Variants in CORO2B observed in about 807,000 individuals in gnomAD.
The protein encoded by CORO2B is coronin 2B.
A neutral mutation model predicts 58.8 loss-of-function variants in CORO2B; 26 were observed. That is an observed-to-expected ratio of 0.44 (90% CI 0.32 to 0.61). CORO2B has a LOEUF of 0.61. CORO2B is among the 20% of genes least tolerant of loss of function. The probability of loss-of-function intolerance (pLI) is 0.04; values close to 1 mark genes in which losing one functional copy is unlikely to be tolerated. For missense variants in CORO2B, 460 were observed against 645.1 expected, an observed-to-expected ratio of 0.71 and a Z score of 3.11; for synonymous variants, 242 against 253.8, an observed-to-expected ratio of 0.95 and a Z score of 0.44.
chr15:68,699,351 C>A (rs911075666), intron 3 of CORO2B, among the ~76,000 whole-genome samples: 1 of 152,106 alleles, frequency 6.6e-6, no homozygotes, highest in Non-Finnish European at 1.5e-5. Flanking sequence ...TCCAGGGAAC[C>A]AAGGGGACCT....
chr15:68,631,086 A>G (rs1170355348), intron 1 of CORO2B, among the ~76,000 whole-genome samples: 1 of 152,046 alleles, frequency 6.6e-6, no homozygotes, highest in Non-Finnish European at 1.5e-5. Context: ...GGTGCTGGGA[A>G]TGGCAGGTAC....
chr15:68,679,923 T>C lies in CORO2B; in HGVS notation c.217-15217T>C, dbSNP rs74020274. ...TCTCTGGCCCCTTACATATCCCTGA[T>C]GGAGCAAGGCTGAAGTTCTGAGCCA... On this transcript the variant is annotated intron_variant, in intron 2 of 11. Transcript: ENST00000261861. 4.3e-3 allele frequency among the ~76,000 whole-genome samples: 662 copies of C among 152,324 alleles called. 1 individual carries two copies. Among genetic ancestry groups the C allele is most frequent in the African/African-American group, 0.015 (623 of 41,572 alleles).
intron 2 of CORO2B, among the ~76,000 whole-genome samples, chr15:68,657,779 G>A (rs919613488): frequency 6.6e-6 from 1 of 152,136 alleles, no homozygotes; most frequent in African/African-American, 2.4e-5. Flanking sequence ...ATTTATACAC[G>A]AAAGAAATGT....
chr15:68,696,195 A>G (rs1892505593), intron 3 of CORO2B, among the ~76,000 whole-genome samples: 3 of 150,422 alleles, frequency 2.0e-5, no homozygotes, highest in Admixed American at 2.0e-4. Context: ...GGCTGCAGTG[A>G]GCTGTGATTG....
At chr15:68,632,755 T>TA (rs1900882678) in intron 1 of CORO2B, among the ~76,000 whole-genome samples, 1 of 152,156 alleles carries the variant, frequency 6.6e-6, no homozygotes, top group African/African-American at 2.4e-5. Context: ...CACGCTTGGC[T>TA]AATTTTTTGT....
the CORO2B span, among the ~76,000 whole-genome samples, chr15:68,563,527 GAGAAAAGAAA>G: frequency 1.3e-5 from 2 of 150,230 alleles, no homozygotes; most frequent in Non-Finnish European, 3.0e-5. Context: ...AAAAAAAGAA[GAGAAAAGAAA>G]AAAATTAAGT....
the CORO2B span, among the ~76,000 whole-genome samples, chr15:68,543,444 T>G: frequency 6.6e-6 from 1 of 152,194 alleles, no homozygotes; most frequent in Non-Finnish European, 1.5e-5. Context: ...TCTTGGTGTC[T>G]GAGCCCATTC....
At chr15:68,698,555 G>C (rs915621354) in intron 3 of CORO2B, among the ~76,000 whole-genome samples, 2 of 152,218 alleles carry the variant, frequency 1.3e-5, no homozygotes, top group African/African-American at 4.8e-5. Flanking sequence ...ACTCTGTTCA[G>C]TTTTGCACAC....
chr15:68,709,941 T>C lies in CORO2B; in HGVS notation c.334-791T>C, dbSNP rs1358524669. Among the ~76,000 whole-genome samples the C allele has an allele frequency of 4.6e-5, 7 of 152,252 alleles. No individual in the cohort carries two copies. In the East Asian group the frequency reaches 1.4e-3, roughly 29 times the overall value. On this transcript the variant is annotated intron_variant, in intron 3 of 11. Coordinates refer to ENST00000261861, the MANE Select transcript of CORO2B (RefSeq NM_006091.5). ...TTGAAGCTATGCAGAGGAGGTTTGC[T>C]TTGAGTGACAGAAGCCCACCAGGGC... is the stretch of plus-strand genomic sequence containing the variant.
chr15:68,692,806 G>A (rs1408947004), intron 2 of CORO2B, among the ~76,000 whole-genome samples: 3 of 150,908 alleles, frequency 2.0e-5, no homozygotes, highest in Admixed American at 6.6e-5. Context: ...GCTAATTTTT[G>A]TATTTTTAGT....
chr15:68,575,675 T>C (rs1899270976), upstream of CORO2B, among the ~76,000 whole-genome samples: 3 of 150,250 alleles, frequency 2.0e-5, no homozygotes, highest in South Asian at 6.3e-4. Flanking sequence ...CTTTGCTCCT[T>C]CTCAACCGCA....
chr15:68,547,533 G>A, the CORO2B span, among the ~76,000 whole-genome samples: 40 of 152,116 alleles, frequency 2.6e-4, no homozygotes, highest in East Asian at 9.7e-4. Context: ...TAGTAGAGAC[G>A]GGGTTTTACC....
In CORO2B at chr15:68,579,166, C is replaced by T; in HGVS notation, c.-97C>T. ...CCGCCGGCGGGGCGCGGGGAGCGAG[C>T]CGGGAGCTGCCGGACCCCCTTCCGC... On this transcript the variant is annotated 5_prime_UTR_variant, in exon 1 of 12. Coordinates refer to ENST00000261861, the MANE Select transcript of CORO2B (RefSeq NM_006091.5). 2.0e-6 allele frequency: 2 copies of T among 981,090 alleles called. No individual in the cohort carries two copies. The highest frequency in any genetic ancestry group is 2.4e-6 in the Non-Finnish European group (2 of 828,270). 60.8% of individuals were successfully genotyped at this position (981,090 alleles called of 1,614,324 possible).
intron 3 of CORO2B, among the ~76,000 whole-genome samples, chr15:68,705,762 C>T (rs1024956874): frequency 1.3e-5 from 2 of 152,170 alleles, no homozygotes; most frequent in Non-Finnish European, 2.9e-5. Context: ...GCTGTCACCT[C>T]AGCATGTCAG....
chr15:68,549,735 T>C, the CORO2B span, among the ~76,000 whole-genome samples: 1 of 152,118 alleles, frequency 6.6e-6, no homozygotes, highest in Non-Finnish European at 1.5e-5. Context: ...GGTCAGGAGT[T>C]CGAGAGCAGC....
At chr15:68,690,650 T>TTTTC (rs1555416870) in intron 2 of CORO2B, among the ~76,000 whole-genome samples, 2,327 of 85,244 alleles carry the variant, frequency 0.027, 63 homozygotes, top group African/African-American at 0.083. Context: ...AGCTTTCTTT[T>TTTTC]TTTTTTTTTT....
chr15:68,658,089 A>C (rs1419037310), intron 2 of CORO2B, among the ~76,000 whole-genome samples: 1 of 152,230 alleles, frequency 6.6e-6, no homozygotes, highest in Non-Finnish European at 1.5e-5. Flanking sequence ...ACCTTGGGTG[A>C]GTTCCTTTGC....
At chr15:68,611,403 T>G (rs1055259736) in intron 1 of CORO2B, among the ~76,000 whole-genome samples, 1 of 152,220 alleles carries the variant, frequency 6.6e-6, no homozygotes, top group Admixed American at 6.5e-5. Flanking sequence ...TTGTTTGTTT[T>G]TTTTCCCCTA....
At chr15:68,593,713 T>C (rs920133123) in intron 1 of CORO2B, among the ~76,000 whole-genome samples, 2 of 151,962 alleles carry the variant, frequency 1.3e-5, no homozygotes, top group African/African-American at 4.8e-5. Context: ...TGTCTGCCCC[T>C]TGATAGTATT....
Sources: allele counts gnomAD v4.1 joint callset (sites outside exome capture counted in the v4.1 genomes callset), GRCh38; gene constraint gnomAD v4.1.1; transcripts MANE v1.5; gene names NCBI Gene and HGNC (gene_info 2026-07-23, HGNC 2026-07-21).